The following JARID2 variants were observed in gnomAD, a reference collection of about 807,000 sequenced individuals.
JARID2 encodes jumonji and AT-rich interaction domain containing 2, also known as protein Jumonji.
Under a neutral mutation model 125.6 loss-of-function variants are expected in JARID2, and 21 were observed. The observed-to-expected ratio is 0.17, with a 90% CI of 0.12 to 0.24. The LOEUF is 0.24. Ranked by LOEUF, JARID2 falls within the 10% of genes least tolerant of loss-of-function variation. JARID2 has a pLI of 1.00. For synonymous variants in JARID2, 736 were observed against 661.6 expected, an observed-to-expected ratio of 1.11 and a Z score of -1.73; for missense variants, 1,303 against 1,639.6, an observed-to-expected ratio of 0.79 and a Z score of 3.55.
intron 16 of JARID2, among the ~76,000 whole-genome samples, 182 bp from the exon 17 acceptor site, chr6:15,516,979 G>A (rs1771592431): frequency 6.6e-6 from 1 of 152,124 alleles, no homozygotes; most frequent in African/African-American, 2.4e-5. Context: ...GTCAGTTTTC[G>A]TTTTAGTCCA....
At chr6:15,415,358 G>A (rs913072163) in intron 3 of JARID2, among the ~76,000 whole-genome samples, 1 of 152,094 alleles carries the variant, frequency 6.6e-6, no homozygotes, top group Non-Finnish European at 1.5e-5. Context: ...CGGTGGCCGG[G>A]CAGAGGGGCT....
intron 1 of JARID2, among the ~76,000 whole-genome samples, chr6:15,365,916 C>CTT (rs569757426): frequency 1.4e-5 from 2 of 146,784 alleles, no homozygotes; most frequent in East Asian, 2.0e-4. Context: ...TGACAGACTA[C>CTT]TTTTTTTTTT....
At chr6:15,335,830 C>A (rs891574856) in intron 1 of JARID2, among the ~76,000 whole-genome samples, 4 of 151,970 alleles carry the variant, frequency 2.6e-5, no homozygotes, top group African/African-American at 9.7e-5. Flanking sequence ...TGATGGCTTA[C>A]CCCTGTAATC....
At chr6:15,493,144 TA>T (rs1770237600) in intron 6 of JARID2, among the ~76,000 whole-genome samples, 1 of 151,742 alleles carries the variant, frequency 6.6e-6, no homozygotes, top group South Asian at 2.1e-4. Context: ...CCAAAGGCCT[TA>T]CACTCTTATT....
chr6:15,381,439 C>G (rs1764584456), intron 2 of JARID2, among the ~76,000 whole-genome samples: 1 of 151,874 alleles, frequency 6.6e-6, no homozygotes, highest in African/African-American at 2.4e-5. Context: ...GTAGGGAGAC[C>G]AGTTGCAGCT....
chr6:15,433,007 AGGT>A, intron 3 of JARID2, among the ~76,000 whole-genome samples: 1 of 152,306 alleles, frequency 6.6e-6, no homozygotes, highest in South Asian at 2.1e-4. Context: ...GTTAAGTCTG[AGGT>A]GGTGCCTGAG....
intron 7 of JARID2, among the ~76,000 whole-genome samples, chr6:15,498,476 T>G (rs1054731336): frequency 2.0e-5 from 3 of 152,154 alleles, no homozygotes; most frequent in Non-Finnish European, 4.4e-5. Context: ...ACTTGCCTTG[T>G]TAAGGCTAAG....
At chr6:15,514,740 A>G (rs1470543730) in intron 16 of JARID2, among the ~76,000 whole-genome samples, 1 of 152,028 alleles carries the variant, frequency 6.6e-6, no homozygotes, top group African/African-American at 2.4e-5. Context: ...AGATAGGCCC[A>G]CCCTCATGGC....
chr6:15,408,222 A>G (rs1765728153), intron 2 of JARID2, among the ~76,000 whole-genome samples: 1 of 152,222 alleles, frequency 6.6e-6, no homozygotes, highest in Admixed American at 6.5e-5. Flanking sequence ...ACTGCCCTCC[A>G]GCCTGGGCAA....
intron 2 of JARID2, among the ~76,000 whole-genome samples, chr6:15,382,121 G>C (rs1764612199): frequency 1.3e-5 from 2 of 152,224 alleles, no homozygotes; most frequent in Admixed American, 1.3e-4. Flanking sequence ...AAATTAGCCA[G>C]TCATGGTGGC....
intron 1 of JARID2, among the ~76,000 whole-genome samples, chr6:15,275,312 C>A (rs141960444): frequency 6.6e-6 from 1 of 152,050 alleles, no homozygotes; most frequent in Non-Finnish European, 1.5e-5. Flanking sequence ...TTTGGTGTTT[C>A]CTTTTTTACA....
At chr6:15,457,716 T>TG (rs1273249286) in intron 4 of JARID2, among the ~76,000 whole-genome samples, 10 of 150,570 alleles carry the variant, frequency 6.6e-5, no homozygotes, top group African/African-American at 2.2e-4. Flanking sequence ...AGACAGCGAG[T>TG]GGAGTTCTTT....
rs1581314797 is a variant in JARID2, at chr6:15,246,226, G to T, written c.-314G>T. ...GTAGTTTTTGGAGGAAAAAGGGGGG[G>T]GAGTGAAGGGCGTCGGTTTTTTTTT... On this transcript the variant is annotated 5_prime_UTR_variant, in exon 1 of 18. Coordinates refer to ENST00000341776, the MANE Select transcript of JARID2 (RefSeq NM_004973.4). 1 of 471,158 alleles carries T rather than the reference G, an allele frequency of 2.1e-6. No individual in the cohort carries two copies. The highest frequency in any genetic ancestry group is 3.7e-6 in the Non-Finnish European group (1 of 269,434). The allele number at this position is 471,158 out of a possible 1,614,324, so 29.2% of individuals were successfully genotyped here.
chr6:15,349,585 A>T (rs188219874), intron 1 of JARID2, among the ~76,000 whole-genome samples: 1 of 152,248 alleles, frequency 6.6e-6, no homozygotes, highest in Non-Finnish European at 1.5e-5. Context: ...AAGATCACTG[A>T]TGGCTTTTGA....
chr6:15,454,402 G>C (rs946953833), intron 4 of JARID2, among the ~76,000 whole-genome samples: 6 of 152,146 alleles, frequency 3.9e-5, no homozygotes, highest in African/African-American at 1.4e-4. Context: ...GTCGGTTGTT[G>C]AGCCTTGAAA....
At chr6:15,318,580 A>G (rs1404815089) in intron 1 of JARID2, among the ~76,000 whole-genome samples, 2 of 152,210 alleles carry the variant, frequency 1.3e-5, no homozygotes, top group African/African-American at 2.4e-5. Context: ...TGGGAACCAC[A>G]TGCTCTTGTT....
chr6:15,333,957 C>T (rs961305879), intron 1 of JARID2, among the ~76,000 whole-genome samples: 5 of 152,206 alleles, frequency 3.3e-5, no homozygotes, highest in East Asian at 1.9e-4. Context: ...TCCCCCGCCC[C>T]GAGACTGGTT....
At chr6:15,336,118 T>C (rs1048697548) in intron 1 of JARID2, among the ~76,000 whole-genome samples, 2 of 151,316 alleles carry the variant, frequency 1.3e-5, no homozygotes, top group Non-Finnish European at 2.9e-5. Flanking sequence ...AATGAATGAA[T>C]AAATAAATAA....
At chr6:15,340,248 C>T (rs935431911) in intron 1 of JARID2, among the ~76,000 whole-genome samples, 1 of 152,176 alleles carries the variant, frequency 6.6e-6, no homozygotes, top group Non-Finnish European at 1.5e-5. Flanking sequence ...CTGAGCATGG[C>T]CTTTCCAATT....
Sources: gnomAD v4.1 joint callset for allele counts (sites outside exome capture counted in the v4.1 genomes callset) on GRCh38, gnomAD v4.1.1 for gene constraint, MANE v1.5 for transcripts, NCBI Gene and HGNC (gene_info 2026-07-23, HGNC 2026-07-21) for gene names.